CLEC16A: variants seen among roughly 807,000 people sequenced by gnomAD.
CLEC16A encodes C-type lectin domain containing 16A.
Under a neutral mutation model 109.5 loss-of-function variants are expected in CLEC16A, and 51 were observed. That is an observed-to-expected ratio of 0.47 (90% CI 0.37 to 0.59). The LOEUF is 0.59. Among genes scored for constraint, CLEC16A ranks in the 20% least tolerant of loss-of-function variants. CLEC16A has a pLI of 0.00. For missense variants in CLEC16A, 1,339 were observed against 1,394.0 expected (o/e 0.96, Z 0.63); for synonymous variants, 673 against 564.2 (o/e 1.19, Z -2.73).
At chr16:11,045,809 T>G (rs2047606867) in intron 16 of CLEC16A, among the ~76,000 whole-genome samples, 1 of 152,216 alleles carries the variant, frequency 6.6e-6, no homozygotes, top group Non-Finnish European at 1.5e-5. Context: ...ATTCAAGCCC[T>G]CTTTAAGCTG....
At chr16:11,047,043 A>T (rs1369185116) in intron 16 of CLEC16A, among the ~76,000 whole-genome samples, 1 of 152,136 alleles carries the variant, frequency 6.6e-6, no homozygotes, top group African/African-American at 2.4e-5. Flanking sequence ...CTGCTTTGAC[A>T]GAAGAATTCT....
chr16:11,083,985 T>A (rs1460503253), intron 19 of CLEC16A, among the ~76,000 whole-genome samples: 2 of 152,190 alleles, frequency 1.3e-5, no homozygotes, highest in African/African-American at 4.8e-5. Context: ...CAGCCCCCCA[T>A]TGCTGGTTTT....
At chr16:11,031,216 G>A (rs191828454) in intron 13 of CLEC16A, among the ~76,000 whole-genome samples, 1 of 152,306 alleles carries the variant, frequency 6.6e-6, no homozygotes, top group East Asian at 1.9e-4. Flanking sequence ...TATGTGGCAC[G>A]TCCCCAAGGC....
chr16:11,152,302 A>T (rs1567396480), intron 22 of CLEC16A, among the ~76,000 whole-genome samples: 1 of 152,224 alleles, frequency 6.6e-6, no homozygotes, highest in South Asian at 2.1e-4. Context: ...TGCTGCTAGC[A>T]CACCCACAAG....
chr16:11,139,760 G>A (rs1409781004), intron 22 of CLEC16A, among the ~76,000 whole-genome samples: 1 of 152,210 alleles, frequency 6.6e-6, no homozygotes, highest in African/African-American at 2.4e-5. Flanking sequence ...TTTGGACTGT[G>A]AAGTGCAGTG....
chr16:11,011,984 T>TA (rs2045447308), intron 11 of CLEC16A, among the ~76,000 whole-genome samples: 3 of 152,272 alleles, frequency 2.0e-5, no homozygotes, highest in Admixed American at 2.0e-4. Flanking sequence ...GTTTATTGCT[T>TA]AAAAAACAGT....
chr16:11,012,802 G>C (rs969335843), intron 11 of CLEC16A, among the ~76,000 whole-genome samples: 2 of 152,130 alleles, frequency 1.3e-5, no homozygotes, highest in African/African-American at 4.8e-5. Flanking sequence ...TGGTAGGCTT[G>C]TTGAATGCTT....
intron 16 of CLEC16A, among the ~76,000 whole-genome samples, chr16:11,045,257 A>T (rs1266719590): frequency 6.6e-6 from 1 of 152,112 alleles, no homozygotes; most frequent in Non-Finnish European, 1.5e-5. Flanking sequence ...CTGAGGTGGG[A>T]GGATGGCATG....
chr16:10,962,345 C>G (rs2042288915), intron 2 of CLEC16A, 110 bp from the exon 3 acceptor site: 1 of 1,354,762 alleles, frequency 7.4e-7, no homozygotes, highest in African/African-American at 1.4e-5. Flanking sequence ...GTGCAGATAC[C>G]TTGGGGGAGA....
At chr16:11,135,287 G>GGA (rs974427090) in intron 22 of CLEC16A, among the ~76,000 whole-genome samples, 5 of 152,146 alleles carry the variant, frequency 3.3e-5, no homozygotes, top group Non-Finnish European at 5.9e-5. Context: ...GAGCAGCTGT[G>GGA]GAGAGAGAGA....
rs774886384 is a variant in CLEC16A, at chr16:11,123,912, C to T, written c.2439C>T (p.Ile813=). The change falls in exon 21 of 24, where the codon ATC becomes ATT. Residue 813 remains isoleucine, a synonymous_variant. Coordinates refer to ENST00000409790, the MANE Select transcript of CLEC16A (RefSeq NM_015226.3). ...AGCAGCGCCTGGCCAAAGGCCGCAT[C>T]CAGGCAAGGCGCATGAAGATGCAGA... ...IAKQRLAKGR[I]QARRMKMQRI... 6.2e-7 allele frequency: 1 copy of T among 1,613,472 alleles called. No homozygotes were observed. Among genetic ancestry groups the T allele is most frequent in the African/African-American group, 1.3e-5 (1 of 75,040 alleles).
intron 12 of CLEC16A, among the ~76,000 whole-genome samples, chr16:11,021,628 C>G (rs941861993): frequency 5.3e-5 from 8 of 152,254 alleles, no homozygotes; most frequent in African/African-American, 1.9e-4. Flanking sequence ...GAGACCCCAT[C>G]TTTACGAAAA....
intron 22 of CLEC16A, among the ~76,000 whole-genome samples, chr16:11,142,551 T>G (rs1294316175): frequency 1.3e-5 from 2 of 152,206 alleles, no homozygotes; most frequent in African/African-American, 4.8e-5. Flanking sequence ...CTTTTAAAAA[T>G]CATAATAAGG....
At chr16:11,119,774 AAT>A (rs1200769094) in intron 19 of CLEC16A, among the ~76,000 whole-genome samples, 1 of 151,846 alleles carries the variant, frequency 6.6e-6, no homozygotes, top group African/African-American at 2.4e-5. Context: ...TTTTTTTTCT[AAT>A]ACTGTGAAAA....
intron 19 of CLEC16A, among the ~76,000 whole-genome samples, chr16:11,068,382 G>T (rs1423050333): frequency 1.3e-5 from 2 of 152,148 alleles, no homozygotes; most frequent in East Asian, 1.9e-4. Context: ...TAAAAACCTA[G>T]CTATCACCTT....
intron 13 of CLEC16A, among the ~76,000 whole-genome samples, chr16:11,033,668 T>C (rs2046870083): frequency 6.6e-6 from 1 of 152,224 alleles, no homozygotes; most frequent in Non-Finnish European, 1.5e-5. Context: ...ACCTGGTCTC[T>C]TTCTCATAGA....
At chr16:10,975,047 G>A (rs1169625849) in intron 7 of CLEC16A, among the ~76,000 whole-genome samples, 2 of 152,180 alleles carry the variant, frequency 1.3e-5, no homozygotes, top group Non-Finnish European at 2.9e-5. Flanking sequence ...GGACAGTGAG[G>A]AGAAGTAGAG....
intron 22 of CLEC16A, among the ~76,000 whole-genome samples, chr16:11,141,651 G>A (rs2053836162): frequency 6.6e-6 from 1 of 152,264 alleles, no homozygotes; most frequent in South Asian, 2.1e-4. Context: ...AAGTGGATTG[G>A]AGACAGCAGT....
At chr16:11,041,954 T>G (rs1014156646) in intron 14 of CLEC16A, 1 of 299,558 alleles carries the variant, frequency 3.3e-6, no homozygotes, top group Non-Finnish European at 6.3e-6. Context: ...GAAGTGGGGG[T>G]GCAGGGCCAC....
Sources: allele counts gnomAD v4.1 joint callset (sites outside exome capture counted in the v4.1 genomes callset), GRCh38; gene constraint gnomAD v4.1.1; transcripts MANE v1.5; gene names NCBI Gene and HGNC (gene_info 2026-07-23, HGNC 2026-07-21).